Variants in PTPRG observed in about 807,000 individuals in gnomAD.
The protein encoded by PTPRG is protein tyrosine phosphatase receptor type G, also known as receptor-type tyrosine-protein phosphatase gamma.
PTPRG carries 102 observed loss-of-function variants against 165.3 expected under a neutral mutation model. That is an observed-to-expected ratio of 0.62 (90% CI 0.53 to 0.73). PTPRG has a LOEUF of 0.73. Among genes scored for constraint, PTPRG ranks in the 30% least tolerant of loss-of-function variants. PTPRG has a pLI of 0.00. For missense variants in PTPRG, 1,866 were observed against 1,861.4 expected (o/e 1.00, Z -0.05); for synonymous variants, 675 against 669.5 (o/e 1.01, Z -0.13).
intron 5 of PTPRG, among the ~76,000 whole-genome samples, chr3:62,107,169 A>ATGTTTT (rs1702501232): frequency 6.6e-6 from 1 of 152,028 alleles, no homozygotes. Flanking sequence ...CATCCCTGTT[A>ATGTTTT]AGAATTATGT....
intron 1 of PTPRG, among the ~76,000 whole-genome samples, chr3:61,740,937 C>T (rs2032956968): frequency 6.6e-6 from 1 of 152,086 alleles, no homozygotes; most frequent in Non-Finnish European, 1.5e-5. Context: ...GCAGTGCTTA[C>T]AAAGGAACAC....
chr3:61,603,913 A>T (rs978027191), intron 1 of PTPRG, among the ~76,000 whole-genome samples: 1 of 152,220 alleles, frequency 6.6e-6, no homozygotes, highest in African/African-American at 2.4e-5. Context: ...TTCTACTCCA[A>T]TATGACTTCA....
intron 1 of PTPRG, among the ~76,000 whole-genome samples, chr3:61,613,281 A>G (rs1231852182): frequency 6.6e-6 from 1 of 152,200 alleles, no homozygotes; most frequent in East Asian, 1.9e-4. Flanking sequence ...TTTTAAAGGC[A>G]TAGACCAGAG....
At chr3:62,257,684 G>A (rs1264425859) in intron 16 of PTPRG, among the ~76,000 whole-genome samples, 1 of 152,214 alleles carries the variant, frequency 6.6e-6, no homozygotes, top group Non-Finnish European at 1.5e-5. Context: ...GCCAGGCACA[G>A]TGGCTCACAC....
intron 2 of PTPRG, among the ~76,000 whole-genome samples, chr3:61,930,314 C>T (rs1485767807): frequency 6.6e-6 from 1 of 152,144 alleles, no homozygotes; most frequent in African/African-American, 2.4e-5. Context: ...TCAAGGGTGA[C>T]TTTGAAAGGT....
chr3:62,035,677 C>A (rs927915201), intron 4 of PTPRG, among the ~76,000 whole-genome samples: 2 of 152,184 alleles, frequency 1.3e-5, no homozygotes, highest in African/African-American at 4.8e-5. Context: ...CTTTGGCTTT[C>A]AGCATAAAAG....
intron 14 of PTPRG, 169 bp from the exon 15 acceptor site, chr3:62,243,638 C>T (rs1472324556): frequency 4.2e-6 from 2 of 475,266 alleles, no homozygotes; most frequent in African/African-American, 4.0e-5. Flanking sequence ...ATTTTGGGCC[C>T]CTCCAACAGG....
intron 2 of PTPRG, among the ~76,000 whole-genome samples, chr3:61,862,127 C>G (rs1402692606): frequency 1.3e-5 from 2 of 152,070 alleles, no homozygotes; most frequent in African/African-American, 4.8e-5. Context: ...GCATTAGATT[C>G]TGACAGGAGC....
chr3:62,243,396 G>A (rs1018673896), intron 14 of PTPRG, among the ~76,000 whole-genome samples: 1 of 152,146 alleles, frequency 6.6e-6, no homozygotes, highest in Non-Finnish European at 1.5e-5. Context: ...TGACGATGTT[G>A]GAAGGGGATA....
chr3:61,798,091 G>A (rs1046141722), intron 2 of PTPRG, among the ~76,000 whole-genome samples: 14 of 152,158 alleles, frequency 9.2e-5, no homozygotes, highest in African/African-American at 2.2e-4. Flanking sequence ...TAAAATGCTC[G>A]TCTGCATTTT....
At chr3:61,683,981 G>A (rs945980902) in intron 1 of PTPRG, among the ~76,000 whole-genome samples, 1 of 152,188 alleles carries the variant, frequency 6.6e-6, no homozygotes, top group East Asian at 1.9e-4. Flanking sequence ...CTTCATCCCA[G>A]CTCCATGGTA....
At chr3:61,753,336 G>GA (rs2033516423) in intron 2 of PTPRG, among the ~76,000 whole-genome samples, 1 of 152,054 alleles carries the variant, frequency 6.6e-6, no homozygotes, top group Non-Finnish European at 1.5e-5. Flanking sequence ...GAATTGTACT[G>GA]AAAAAATGCA....
At chr3:61,709,209 T>C (rs2031425132) in intron 1 of PTPRG, among the ~76,000 whole-genome samples, 1 of 152,236 alleles carries the variant, frequency 6.6e-6, no homozygotes, top group South Asian at 2.1e-4. Flanking sequence ...GTAAGCCAGC[T>C]AATGCGTGTG....
At chr3:61,811,133 T>G (rs1354934374) in intron 2 of PTPRG, among the ~76,000 whole-genome samples, 1 of 148,508 alleles carries the variant, frequency 6.7e-6, no homozygotes, top group Non-Finnish European at 1.5e-5. Flanking sequence ...ACATCTCACT[T>G]CTGGCTGAAC....
intron 27 of PTPRG, 46 bp from the exon 28 acceptor site, chr3:62,282,681 A>G: frequency 6.4e-7 from 1 of 1,561,602 alleles, no homozygotes; most frequent in Non-Finnish European, 8.6e-7. Context: ...GATTGTAGAT[A>G]TGTGAAATAA....
At chr3:61,656,322 A>C in intron 1 of PTPRG, among the ~76,000 whole-genome samples, 1 of 152,148 alleles carries the variant, frequency 6.6e-6, no homozygotes, top group African/African-American at 2.4e-5. Flanking sequence ...AGGTGAGGTG[A>C]CACAGAAGTG....
chr3:62,223,990 G>C (rs1364561374), intron 13 of PTPRG, among the ~76,000 whole-genome samples: 1 of 152,106 alleles, frequency 6.6e-6, no homozygotes, highest in East Asian at 1.9e-4. Flanking sequence ...CATCTGTTTA[G>C]AGCTAAATAT....
chr3:61,599,293 G>C (rs1036075745), intron 1 of PTPRG, among the ~76,000 whole-genome samples: 4 of 152,046 alleles, frequency 2.6e-5, no homozygotes, highest in African/African-American at 9.7e-5. Flanking sequence ...GGCATTATAG[G>C]CACACCACCA....
chr3:61,933,818 C>G (rs1188033629), intron 2 of PTPRG, among the ~76,000 whole-genome samples: 1 of 152,148 alleles, frequency 6.6e-6, no homozygotes, highest in Admixed American at 6.5e-5. Flanking sequence ...CTCAATGATA[C>G]CAGTTTTTTC....
Sources: allele counts gnomAD v4.1 joint callset (sites outside exome capture counted in the v4.1 genomes callset), GRCh38; gene constraint gnomAD v4.1.1; transcripts MANE v1.5; gene names NCBI Gene and HGNC (gene_info 2026-07-23, HGNC 2026-07-21).